Variants in CCDC171 observed in about 807,000 individuals in gnomAD.
The protein encoded by CCDC171 is coiled-coil domain-containing protein 171.
CCDC171 carries 177 observed loss-of-function variants against 168.2 expected under a neutral mutation model. The observed-to-expected ratio is 1.05, with a 90% CI of 0.93 to 1.19. CCDC171 has a LOEUF of 1.19. Ranked by LOEUF, CCDC171 falls within the 50% of genes most tolerant of loss-of-function variation. The pLI is 0.00. For synonymous variants in CCDC171, 687 were observed against 540.8 expected (o/e 1.27, Z -3.75); for missense variants, 1,991 against 1,539.0 (o/e 1.29, Z -4.91).
At chr9:15,664,535 C>A (rs1444514914) in intron 8 of CCDC171, among the ~76,000 whole-genome samples, 1 of 140,320 alleles carries the variant, frequency 7.1e-6, no homozygotes, top group East Asian at 2.2e-4. Context: ...AGGCATGAGC[C>A]ACTGTGCTTG....
chr9:16,002,614 AG>A (rs1832585935), intron 3 of CCDC171, among the ~76,000 whole-genome samples: 1 of 152,208 alleles, frequency 6.6e-6, no homozygotes, highest in African/African-American at 2.4e-5. Flanking sequence ...AAGAAAGAAA[AG>A]TATTTTTATA....
Position 15,964,864 on chromosome 9 carries a change from G to A in CCDC171, c.3754-6745G>A, listed in dbSNP as rs779373766. Among the ~76,000 whole-genome samples, 12 of 152,140 alleles carry A rather than the reference G, an allele frequency of 7.9e-5. 1 individual carries two copies. Among genetic ancestry groups the A allele is most frequent in the African/African-American group, 2.4e-4 (10 of 41,428 alleles). On this transcript the variant is annotated intron_variant, in intron 25 of 25. Transcript: ENST00000380701. ...CAACCTCTGCCTCCTGGGTTCGAGC[G>A]ATTCTCCTGCCTCAGCCTCCCGGGT...
intron 3 of CCDC171, among the ~76,000 whole-genome samples, chr9:15,574,583 G>A (rs539989264): frequency 2.6e-5 from 4 of 152,196 alleles, no homozygotes; most frequent in African/African-American, 7.2e-5. Context: ...CACTGTGCCT[G>A]GCCTTCAATT....
chr9:15,742,970 G>A (rs1020258150), intron 16 of CCDC171, among the ~76,000 whole-genome samples: 2 of 151,656 alleles, frequency 1.3e-5, no homozygotes, highest in African/African-American at 4.8e-5. Flanking sequence ...GTAGAGACAG[G>A]GTCTTAGTCT....
chr9:15,592,708 A>T (rs559312303), intron 5 of CCDC171, among the ~76,000 whole-genome samples: 15 of 152,174 alleles, frequency 9.9e-5, no homozygotes, highest in African/African-American at 2.6e-4. Flanking sequence ...AACCTTCCCC[A>T]CATAAAATGT....
chr9:15,558,571 G>C (rs1020728233), intron 1 of CCDC171, among the ~76,000 whole-genome samples: 1 of 152,152 alleles, frequency 6.6e-6, no homozygotes, highest in African/African-American at 2.4e-5. Context: ...TGTGGGATCA[G>C]TGGTGATATC....
intron 6 of CCDC171, among the ~76,000 whole-genome samples, chr9:15,616,716 A>G (rs2044109832): frequency 6.6e-6 from 1 of 152,186 alleles, no homozygotes; most frequent in Admixed American, 6.5e-5. Context: ...AGGAGGACCT[A>G]TCATATAGAA....
At chr9:15,824,018 C>G (rs1472492396) in intron 21 of CCDC171, among the ~76,000 whole-genome samples, 3 of 152,078 alleles carry the variant, frequency 2.0e-5, no homozygotes, top group Admixed American at 6.6e-5. Flanking sequence ...TTTCCCCTAT[C>G]AAGCCAGTTA....
intron 6 of CCDC171, among the ~76,000 whole-genome samples, chr9:15,618,730 T>C (rs2044279167): frequency 6.6e-6 from 1 of 152,036 alleles, no homozygotes; most frequent in Non-Finnish European, 1.5e-5. Context: ...GCACAGTCCC[T>C]CCCCACTTCC....
chr9:16,012,927 G>T (rs1832908649), intron 3 of CCDC171, among the ~76,000 whole-genome samples: 1 of 152,130 alleles, frequency 6.6e-6, no homozygotes, highest in South Asian at 2.1e-4. Context: ...ATAGGTCTCA[G>T]CCCTGGGATA....
intron 7 of CCDC171, among the ~76,000 whole-genome samples, chr9:15,635,050 G>A (rs1277421116): frequency 6.6e-6 from 1 of 152,104 alleles, no homozygotes; most frequent in African/African-American, 2.4e-5. Flanking sequence ...GTTGATGGAC[G>A]TTTGTGTTTG....
At chr9:15,801,559 A>G (rs1005694865) in intron 21 of CCDC171, among the ~76,000 whole-genome samples, 5 of 152,076 alleles carry the variant, frequency 3.3e-5, no homozygotes, top group African/African-American at 1.2e-4. Flanking sequence ...TATCATCTGC[A>G]AACAAAGATA....
intron 21 of CCDC171, among the ~76,000 whole-genome samples, chr9:15,813,684 A>T (rs959390928): frequency 2.6e-5 from 4 of 152,028 alleles, no homozygotes; most frequent in Non-Finnish European, 5.9e-5. Flanking sequence ...GTTCCAGAAC[A>T]TGGGCTAGAG....
chr9:15,949,519 C>G (rs1828857542), intron 25 of CCDC171, among the ~76,000 whole-genome samples: 1 of 152,068 alleles, frequency 6.6e-6, no homozygotes, highest in African/African-American at 2.4e-5. Flanking sequence ...TTGTACTTCT[C>G]CTTGAAGAGG....
intron 23 of CCDC171, among the ~76,000 whole-genome samples, chr9:15,869,524 G>GT (rs1491182078): frequency 8.5e-6 from 1 of 117,274 alleles, no homozygotes; most frequent in Non-Finnish European, 1.9e-5. Context: ...TTTTTTTTTT[G>GT]TTTGTTTTTG....
intron 16 of CCDC171, among the ~76,000 whole-genome samples, chr9:15,742,372 T>C (rs550268853): frequency 6.6e-6 from 1 of 152,370 alleles, no homozygotes; most frequent in South Asian, 2.1e-4. Context: ...CTTTCTCTCA[T>C]TTCTTCAGGT....
chr9:15,760,252 G>A (rs1444960189), intron 18 of CCDC171, among the ~76,000 whole-genome samples: 1 of 152,066 alleles, frequency 6.6e-6, no homozygotes, highest in Non-Finnish European at 1.5e-5. Flanking sequence ...CCAGTACTAA[G>A]CTTTTAATAA....
At chr9:15,633,353 C>T (rs571651695) in intron 7 of CCDC171, among the ~76,000 whole-genome samples, 95 of 152,008 alleles carry the variant, frequency 6.2e-4, no homozygotes, top group African/African-American at 2.0e-3. Context: ...CCATCAAAAA[C>T]GGGGCAAAGG....
At chr9:16,021,352 C>T (rs1833158655) in intron 4 of CCDC171, among the ~76,000 whole-genome samples, 1 of 152,220 alleles carries the variant, frequency 6.6e-6, no homozygotes, top group South Asian at 2.1e-4. Flanking sequence ...TCCCAAAGTG[C>T]TGGGATTACA....
Sources: allele counts gnomAD v4.1 joint callset (sites outside exome capture counted in the v4.1 genomes callset), GRCh38; gene constraint gnomAD v4.1.1; transcripts MANE v1.5; gene names NCBI Gene and HGNC (gene_info 2026-07-23, HGNC 2026-07-21).